Variants in USH2A observed in about 807,000 individuals in gnomAD.
USH2A encodes usherin.
Under a neutral mutation model 538.9 loss-of-function variants are expected in USH2A, and 443 were observed. The observed-to-expected ratio is 0.82, with a 90% CI of 0.76 to 0.89. The LOEUF is 0.89. Ranked by LOEUF, USH2A falls within the 40% of genes least tolerant of loss-of-function variation. The pLI is 0.00. For synonymous variants in USH2A, 2,413 were observed against 2,273.5 expected (o/e 1.06, Z -1.75); for missense variants, 6,633 against 6,324.8 (o/e 1.05, Z -1.65).
intron 32 of USH2A, among the ~76,000 whole-genome samples, chr1:216,043,927 AT>A (rs2030406626): frequency 6.6e-6 from 1 of 151,726 alleles, no homozygotes; most frequent in African/African-American, 2.4e-5. Flanking sequence ...TCTCTTCTCT[AT>A]TGCCTTATTC....
In USH2A at chr1:216,164,624, T is replaced by C. The variant is rs564848999; in HGVS notation, c.4627+10628A>G. ...GGAGAAATGAGATGCAGAACATGTA[T>C]GCTTCTAGTGGAAGAAGAAAGGTAA... On this transcript the variant is annotated intron_variant, in intron 21 of 71. Transcript: ENST00000307340. Among the ~76,000 whole-genome samples the C allele has an allele frequency of 1.3e-3, 198 of 152,232 alleles. 1 individual carries two copies. Among genetic ancestry groups the C allele is most frequent in the Admixed American group, 4.3e-3 (65 of 15,270 alleles).
intron 61 of USH2A, among the ~76,000 whole-genome samples, chr1:215,685,257 T>C (rs996584703): frequency 1.1e-4 from 16 of 151,996 alleles, no homozygotes; most frequent in Non-Finnish European, 1.6e-4. Context: ...TCTCCATTTA[T>C]AAAGTTAACC....
At chr1:216,104,052 TTTTAA>T (rs1474822739) in intron 21 of USH2A, among the ~76,000 whole-genome samples, 2 of 152,054 alleles carry the variant, frequency 1.3e-5, no homozygotes, top group African/African-American at 2.4e-5. Context: ...TTCATTTTTT[TTTTAA>T]TTTAAAGTTT....
chr1:215,944,208 A>C (rs769799611), intron 37 of USH2A, among the ~76,000 whole-genome samples: 1 of 152,202 alleles, frequency 6.6e-6, no homozygotes, highest in East Asian at 1.9e-4. Flanking sequence ...GAACAAAAGT[A>C]ATTATCTTTC....
chr1:215,644,937 A>G (rs1217202183), intron 67 of USH2A, among the ~76,000 whole-genome samples: 2 of 152,174 alleles, frequency 1.3e-5, no homozygotes, highest in Admixed American at 6.5e-5. Context: ...AGATACACAG[A>G]AAGATTAAGG....
chr1:216,343,602 T>A (rs1336643376), intron 4 of USH2A, among the ~76,000 whole-genome samples: 1 of 151,506 alleles, frequency 6.6e-6, no homozygotes, highest in African/African-American at 2.4e-5. Context: ...ATTCTCAATG[T>A]GGTACCATAA....
intron 32 of USH2A, among the ~76,000 whole-genome samples, chr1:216,005,659 G>T (rs1342347007): frequency 6.6e-6 from 1 of 151,990 alleles, no homozygotes; most frequent in Non-Finnish European, 1.5e-5. Context: ...CAATGTAGGG[G>T]TCTATAGTTG....
intron 35 of USH2A, among the ~76,000 whole-genome samples, chr1:215,980,303 G>T (rs1418824276): frequency 6.6e-6 from 1 of 152,114 alleles, no homozygotes; most frequent in Non-Finnish European, 1.5e-5. Flanking sequence ...GAGAGGTTTG[G>T]TAACTTGGCC....
At chr1:216,411,078 T>C (rs1156358434) in intron 3 of USH2A, among the ~76,000 whole-genome samples, 1 of 151,616 alleles carries the variant, frequency 6.6e-6, no homozygotes, top group African/African-American at 2.4e-5. Context: ...TCAATAGAGT[T>C]CCATTTAAAA....
At chr1:216,063,351 C>T (rs1390526236) in intron 30 of USH2A, among the ~76,000 whole-genome samples, 3 of 152,092 alleles carry the variant, frequency 2.0e-5, no homozygotes, top group African/African-American at 4.8e-5. Context: ...GATAATTATC[C>T]AAGCTGGCTT....
chr1:216,286,902 C>T (rs1247765766), intron 11 of USH2A, among the ~76,000 whole-genome samples: 1 of 151,992 alleles, frequency 6.6e-6, no homozygotes, highest in African/African-American at 2.4e-5. Context: ...TTCTGCATTT[C>T]TTATAGAAAA....
intron 21 of USH2A, among the ~76,000 whole-genome samples, chr1:216,115,762 T>C (rs898258196): frequency 6.6e-6 from 1 of 151,872 alleles, no homozygotes; most frequent in Non-Finnish European, 1.5e-5. Context: ...TTGAATTCAT[T>C]TGGAAAACAA....
At chr1:215,814,744 C>T (rs1662810839) in intron 48 of USH2A, among the ~76,000 whole-genome samples, 1 of 152,100 alleles carries the variant, frequency 6.6e-6, no homozygotes, top group Non-Finnish European at 1.5e-5. Flanking sequence ...AGTCAAACCT[C>T]TTTTCTTCAT....
At chr1:215,924,929 C>G (rs911656562) in intron 38 of USH2A, among the ~76,000 whole-genome samples, 1 of 151,892 alleles carries the variant, frequency 6.6e-6, no homozygotes, top group Non-Finnish European at 1.5e-5. Flanking sequence ...TTGTTGAGTC[C>G]ATAGTAAGCA....
At chr1:215,772,514 C>T (rs1661320162) in intron 55 of USH2A, among the ~76,000 whole-genome samples, 1 of 152,172 alleles carries the variant, frequency 6.6e-6, no homozygotes, top group Non-Finnish European at 1.5e-5. Flanking sequence ...AAACTCATTA[C>T]AATTACACTT....
rs750448122 is a variant in USH2A at position 216,422,291 on chromosome 1, C to A, written c.46G>T (p.Val16Phe). The change falls in exon 2 of 72, where the codon GTC (valine) becomes TTC (phenylalanine). Residue 16 changes from valine to phenylalanine, a missense_variant. Physicochemically the swap from Val to Phe is conservative, Grantham distance 50. Transcript: ENST00000307340. ...TAGGCAAAGATCAACATTTCAATGA[C>A]CTGAAACAAGAAGCCAGAGCCCAAT... ...LSLGSGFLFQ[V>F]IEMLIFAYFA... 1 of 1,613,746 alleles carries A rather than the reference C, an allele frequency of 6.2e-7. No individual in the cohort carries two copies. Among genetic ancestry groups the A allele is most frequent in the South Asian group, 1.1e-5 (1 of 91,072 alleles).
intron 11 of USH2A, among the ~76,000 whole-genome samples, chr1:216,251,442 CTTTTTTTTTT>C (rs779947689): frequency 8.7e-5 from 7 of 80,386 alleles, no homozygotes; most frequent in South Asian, 1.2e-3. Flanking sequence ...ACCACTTCCC[CTTTTTTTTTT>C]TTTTTTTTTT....
chr1:216,331,404 G>A (rs989745233), intron 4 of USH2A, among the ~76,000 whole-genome samples: 1 of 152,050 alleles, frequency 6.6e-6, no homozygotes, highest in African/African-American at 2.4e-5. Flanking sequence ...TCAGAAAATA[G>A]ACAGGTGATG....
intron 32 of USH2A, among the ~76,000 whole-genome samples, chr1:216,038,489 C>T (rs960210247): frequency 9.0e-5 from 7 of 77,728 alleles, no homozygotes; most frequent in Admixed American, 7.7e-4. Flanking sequence ...TTTTTGAAGA[C>T]CCCCCCTCCA....
Sources: gnomAD v4.1 joint callset for allele counts (sites outside exome capture counted in the v4.1 genomes callset) on GRCh38, gnomAD v4.1.1 for gene constraint, MANE v1.5 for transcripts, NCBI Gene and HGNC (gene_info 2026-07-23, HGNC 2026-07-21) for gene names.